CPA4: variants seen among roughly 807,000 people sequenced by gnomAD.
CPA4 encodes the protein carboxypeptidase A3.
Under a neutral mutation model 54.7 loss-of-function variants are expected in CPA4, and 49 were observed. The ratio of observed to expected loss-of-function variants is 0.90; its 90% confidence interval spans 0.71 to 1.14. CPA4 has a LOEUF of 1.14. Among genes scored for constraint, CPA4 ranks in the 50% most tolerant of loss-of-function variants. The probability of loss-of-function intolerance (pLI) is 0.00; values close to 1 mark genes in which losing one functional copy is unlikely to be tolerated. For missense variants in CPA4, 487 were observed against 525.1 expected (o/e 0.93, Z 0.71); for synonymous variants, 215 against 206.8 (o/e 1.04, Z -0.34).
chr7:130,311,892 T>C, intron 9 of CPA4, 146 bp from the exon 10 acceptor site: 1 of 641,788 alleles, frequency 1.6e-6, no homozygotes, highest in Non-Finnish European at 2.8e-6. Flanking sequence ...CAGTTGGGCC[T>C]TGGCACTGGG....
Position 130,301,417 on chromosome 7 carries a change from C to T in CPA4, c.384+503C>T, listed in dbSNP as rs542859666. On this transcript the variant is annotated intron_variant, in intron 4 of 10. Transcript: ENST00000222482. ...CCACTTGATATAGATGGCTGACTTT[C>T]AAGGTAAGCCAAACCTTCAAATGAA... is the stretch of plus-strand genomic sequence containing the variant. 7.2e-5 allele frequency among the ~76,000 whole-genome samples: 11 copies of T among 152,308 alleles called. No individual in the cohort carries two copies. In the South Asian group the frequency reaches 2.3e-3, roughly 32 times the overall value.
At chr7:130,298,970 G>C (rs1793697018) in intron 2 of CPA4, 143 bp downstream of exon 2, 2 of 639,666 alleles carry the variant, frequency 3.1e-6, no homozygotes. Flanking sequence ...ATACAATTGA[G>C]GGGGCTGATG....
At chr7:130,300,483 G>A (rs1392143717) in intron 3 of CPA4, among the ~76,000 whole-genome samples, 1 of 151,600 alleles carries the variant, frequency 6.6e-6, no homozygotes, top group Non-Finnish European at 1.5e-5. Flanking sequence ...CTACAGGCAC[G>A]CACCACCACG....
At chr7:130,316,394 A>G (rs1364120358) in intron 10 of CPA4, among the ~76,000 whole-genome samples, 4 of 152,152 alleles carry the variant, frequency 2.6e-5, no homozygotes, top group Non-Finnish European at 5.9e-5. Flanking sequence ...TAGGGCAACT[A>G]ATTCTGTTTG....
At chr7:130,311,059 G>A in intron 9 of CPA4, 73 bp downstream of exon 9, 2 of 1,237,646 alleles carry the variant, frequency 1.6e-6, no homozygotes, top group Non-Finnish European at 2.4e-6. Context: ...TGGTAGCTCT[G>A]CAGCTTTATA....
At chr7:130,307,900 G>T (rs1211806512) in intron 7 of CPA4, among the ~76,000 whole-genome samples, 2 of 152,118 alleles carry the variant, frequency 1.3e-5, no homozygotes, top group African/African-American at 4.8e-5. Flanking sequence ...TTCATAGATT[G>T]CCAGGTCTAG....
At chr7:130,321,145 T>C (rs947244855) in intron 10 of CPA4, among the ~76,000 whole-genome samples, 1 of 152,082 alleles carries the variant, frequency 6.6e-6, no homozygotes, top group Non-Finnish European at 1.5e-5. Flanking sequence ...CAGTAAGCTG[T>C]GATTATGCCA....
At chr7:130,293,361 G>T in intron 1 of CPA4, 113 bp downstream of exon 1, 1 of 741,626 alleles carries the variant, frequency 1.3e-6, no homozygotes, top group South Asian at 1.4e-5. Flanking sequence ...CTGGGCTCTT[G>T]TTCCAGCTTT....
chr7:130,294,858 A>C (rs1793624645), intron 1 of CPA4, among the ~76,000 whole-genome samples: 1 of 152,210 alleles, frequency 6.6e-6, no homozygotes, highest in African/African-American at 2.4e-5. Context: ...AGCAAGGGGA[A>C]GCTGGCCTCT....
chr7:130,307,617 A>G (rs146049963), intron 7 of CPA4, among the ~76,000 whole-genome samples: 3,871 of 144,294 alleles, frequency 0.027, 111 homozygotes, highest in Non-Finnish European at 0.037. Context: ...GCGACAGGGC[A>G]AGACTCCATC....
At chr7:130,322,441 C>T (rs1339554426) in intron 10 of CPA4, 48 bp from the exon 11 acceptor site, 8 of 1,538,614 alleles carry the variant, frequency 5.2e-6, no homozygotes, top group Non-Finnish European at 7.1e-6. Context: ...TCCCATCTAA[C>T]CCAGGAGGGA....
intron 1 of CPA4, among the ~76,000 whole-genome samples, chr7:130,297,354 C>A (rs773742225): frequency 1.3e-5 from 2 of 152,190 alleles, no homozygotes; most frequent in African/African-American, 4.8e-5. Flanking sequence ...GTAGGTCCAA[C>A]TCTTGGCAAG....
intron 10 of CPA4, among the ~76,000 whole-genome samples, chr7:130,315,250 G>C (rs776710576): frequency 9.9e-5 from 15 of 151,986 alleles, no homozygotes; most frequent in Non-Finnish European, 2.1e-4. Flanking sequence ...GAAACGAGAG[G>C]GGTTGGTGGA....
chr7:130,304,504 C>A lies in CPA4; in HGVS notation c.411C>A (p.Ala137=). 1 of 1,611,760 alleles carries A rather than the reference C, an allele frequency of 6.2e-7. No homozygotes were observed. Among genetic ancestry groups the A allele is most frequent in the South Asian group, 1.1e-5 (1 of 91,042 alleles). ...EAIYHEMDNI[A]ADFPDLARRV... Reference sequence around the variant, plus strand: ...TTTACCACGAGATGGACAACATTGCCGCAGACTTTCCTGACCTGGCGAGGA... The same window carrying A: ...TTTACCACGAGATGGACAACATTGCAGCAGACTTTCCTGACCTGGCGAGGA... Residue 137 remains alanine, a synonymous_variant, in exon 5 of 11, where the codon GCC becomes GCA. Coordinates refer to ENST00000222482, the MANE Select transcript of CPA4 (RefSeq NM_016352.4).
Position 130,310,246 on chromosome 7 carries a change from GCACA to G in CPA4, c.794-533_794-530del, listed in dbSNP as rs1562931054. Among the ~76,000 whole-genome samples the G allele has an allele frequency of 2.0e-4, 30 of 150,920 alleles. No homozygotes were observed. Among genetic ancestry groups the G allele is most frequent in the African/African-American group, 7.4e-4 (30 of 40,598 alleles). On this transcript the variant is annotated intron_variant, in intron 8 of 10. Coordinates refer to ENST00000222482, the MANE Select transcript of CPA4 (RefSeq NM_016352.4). This position sits in a 1 kb window ranked among gnomAD's most constrained non-coding sequence, Gnocchi z 4.3. Reference sequence around the variant, plus strand: ...CAGTCACATTCATACACACACACACGCACACACACACGTATGCACGTGTGCACAC... The same window carrying G: ...CAGTCACATTCATACACACACACACGCACACACGTATGCACGTGTGCACAC...
chr7:130,304,364 C>T (rs1793785260), intron 4 of CPA4, 114 bp from the exon 5 acceptor site: 3 of 769,348 alleles, frequency 3.9e-6, no homozygotes, highest in South Asian at 2.8e-5. Flanking sequence ...ATGGTCAATT[C>T]CAAGATTAGG....
At chr7:130,297,832 G>A (rs1275246295) in intron 1 of CPA4, among the ~76,000 whole-genome samples, 1 of 152,136 alleles carries the variant, frequency 6.6e-6, no homozygotes, top group East Asian at 1.9e-4. Context: ...CAGCCTAATG[G>A]CTCCCATCTC....
intron 10 of CPA4, among the ~76,000 whole-genome samples, chr7:130,314,317 G>C (rs1584753454): frequency 6.6e-6 from 1 of 152,208 alleles, no homozygotes; most frequent in Admixed American, 6.5e-5. Context: ...TTTAATGGGA[G>C]GGCCTTGGGG....
intron 1 of CPA4, among the ~76,000 whole-genome samples, chr7:130,298,260 G>A (rs952638008): frequency 6.6e-6 from 1 of 152,236 alleles, no homozygotes; most frequent in Admixed American, 6.5e-5. Context: ...CCCTGACAGT[G>A]AAGAAGTGCT....
Sources: gnomAD v4.1 joint callset for allele counts (sites outside exome capture counted in the v4.1 genomes callset) on GRCh38, gnomAD v4.1.1 for gene constraint, Gnocchi (gnomAD v3.1) non-coding constraint, MANE v1.5 for transcripts, NCBI Gene and HGNC (gene_info 2026-07-23, HGNC 2026-07-21) for gene names.